The following PTPRD variants were observed in gnomAD, a reference collection of about 807,000 sequenced individuals.
PTPRD encodes the protein receptor-type tyrosine-protein phosphatase delta.
PTPRD carries 34 observed loss-of-function variants against 214.5 expected under a neutral mutation model. The ratio of observed to expected loss-of-function variants is 0.16; its 90% confidence interval spans 0.12 to 0.21. The LOEUF (loss-of-function observed/expected upper bound fraction) is 0.21, where lower values mean the gene tolerates loss of function less well. PTPRD is among the 10% of genes least tolerant of loss of function. The pLI is 1.00. For synonymous variants in PTPRD, 1,128 were observed against 845.7 expected (o/e 1.33, Z -5.79); for missense variants, 2,545 against 2,398.7 (o/e 1.06, Z -1.27).
At chr9:9,006,935 A>AT (rs1275546803) in intron 11 of PTPRD, among the ~76,000 whole-genome samples, 1 of 151,966 alleles carries the variant, frequency 6.6e-6, no homozygotes, top group Non-Finnish European at 1.5e-5. Flanking sequence ...AAATCTAATA[A>AT]CTCTTTCTTC....
intron 5 of PTPRD, among the ~76,000 whole-genome samples, chr9:9,929,024 T>A (rs553978023): frequency 5.2e-4 from 79 of 152,178 alleles, no homozygotes; most frequent in Non-Finnish European, 1.1e-3. Context: ...AAGAGACTTA[T>A]ATGCTCTGGT....
intron 36 of PTPRD, 131 bp from the exon 37 acceptor site, chr9:8,389,538 G>A (rs1225532394): frequency 1.1e-5 from 7 of 611,766 alleles, no homozygotes; most frequent in Admixed American, 3.3e-5. Context: ...ATTGAAGGTC[G>A]GGTTTCAAGC....
intron 3 of PTPRD, among the ~76,000 whole-genome samples, chr9:10,319,940 AAT>A (rs969815452): frequency 2.0e-5 from 3 of 151,994 alleles, no homozygotes; most frequent in Non-Finnish European, 2.9e-5. Flanking sequence ...CAACCTAAAA[AAT>A]ATATTTTTCA....
intron 12 of PTPRD, among the ~76,000 whole-genome samples, chr9:8,646,732 C>T (rs2096702522): frequency 6.6e-6 from 1 of 152,128 alleles, no homozygotes; most frequent in Non-Finnish European, 1.5e-5. Context: ...ATTTTAAGCA[C>T]ATGTGTTTTC....
chr9:8,898,278 A>G (rs1566897801), intron 11 of PTPRD, among the ~76,000 whole-genome samples: 1 of 152,108 alleles, frequency 6.6e-6, no homozygotes. Flanking sequence ...TTCTTTTAAA[A>G]TAACTATCTG....
At chr9:9,690,111 T>C (rs962389179) in intron 7 of PTPRD, among the ~76,000 whole-genome samples, 6 of 151,888 alleles carry the variant, frequency 4.0e-5, no homozygotes, top group African/African-American at 1.4e-4. Context: ...CCTTCCCACA[T>C]TGTATGGGGG....
chr9:10,214,042 C>T (rs2099529337), intron 3 of PTPRD, among the ~76,000 whole-genome samples: 1 of 152,046 alleles, frequency 6.6e-6, no homozygotes, highest in Non-Finnish European at 1.5e-5. Flanking sequence ...TTCATCAAAT[C>T]CTTCAATAAG....
chr9:9,679,723 T>G (rs1170938902), intron 7 of PTPRD, among the ~76,000 whole-genome samples: 1 of 151,850 alleles, frequency 6.6e-6, no homozygotes, highest in Admixed American at 6.6e-5. Flanking sequence ...AACTAAAAGA[T>G]GTAAGAAAGG....
chr9:10,190,400 AAAAAAAAAAAAAAAAAAAAAC>A (rs1412542437), intron 3 of PTPRD, among the ~76,000 whole-genome samples: 8 of 47,724 alleles, frequency 1.7e-4, no homozygotes, highest in Admixed American at 8.0e-4. Flanking sequence ...AAAAAAAAAA[AAAAAAAAAAAAAAAAAAAAAC>A]AAAAAGTCAA....
chr9:8,534,583 T>C (rs1370153173), intron 14 of PTPRD, among the ~76,000 whole-genome samples: 2 of 151,370 alleles, frequency 1.3e-5, no homozygotes, highest in South Asian at 2.1e-4. Flanking sequence ...AGAAAAATGA[T>C]AGACGAGTAA....
chr9:9,597,272 A>G (rs2093424578), intron 7 of PTPRD, among the ~76,000 whole-genome samples: 1 of 152,010 alleles, frequency 6.6e-6, no homozygotes, highest in African/African-American at 2.4e-5. Context: ...GGAAAGGGAA[A>G]AAGACATACA....
chr9:8,550,273 T>C (rs997510853), intron 14 of PTPRD, among the ~76,000 whole-genome samples: 5 of 152,162 alleles, frequency 3.3e-5, no homozygotes, highest in Non-Finnish European at 7.3e-5. Flanking sequence ...CTTACATGTA[T>C]ATGGTACCTC....
rs552222249 is a variant in PTPRD at position 9,387,430 on chromosome 9, G to A, written c.-203+10019C>T. On this transcript the variant is annotated intron_variant, in intron 9 of 45. Coordinates refer to ENST00000381196, the MANE Select transcript of PTPRD (RefSeq NM_002839.4). ...ATAAAGTTATTGAGGACATTTATTC[G>A]TTTCCCCTTTTATACCTAGAGTACA... is the stretch of plus-strand genomic sequence containing the variant. 1.6e-4 allele frequency among the ~76,000 whole-genome samples: 25 copies of A among 151,842 alleles called. 1 individual carries two copies. The highest frequency in any genetic ancestry group is 2.6e-4 in the Non-Finnish European group (18 of 67,948).
chr9:9,981,004 G>C (rs142372901), intron 4 of PTPRD, among the ~76,000 whole-genome samples: 1 of 152,090 alleles, frequency 6.6e-6, no homozygotes, highest in African/African-American at 2.4e-5. Flanking sequence ...CATTTAACCT[G>C]AATATGTTTA....
At chr9:9,190,732 C>T (rs74782241) in intron 9 of PTPRD, among the ~76,000 whole-genome samples, 1,834 of 152,174 alleles carry the variant, frequency 0.012, 40 homozygotes, top group African/African-American at 0.041. Context: ...TATTTTGTTA[C>T]AGCAGCATAA....
At chr9:8,685,144 T>C (rs1163534271) in intron 12 of PTPRD, among the ~76,000 whole-genome samples, 1 of 151,932 alleles carries the variant, frequency 6.6e-6, no homozygotes, top group Non-Finnish European at 1.5e-5. Context: ...CTGGAGCCTT[T>C]AGGAGAAAGC....
At chr9:8,587,737 A>G (rs1426012366) in intron 14 of PTPRD, among the ~76,000 whole-genome samples, 7 of 152,228 alleles carry the variant, frequency 4.6e-5, no homozygotes, top group African/African-American at 1.7e-4. Flanking sequence ...GCCAAGTAAC[A>G]AAGAAATTTG....
intron 14 of PTPRD, among the ~76,000 whole-genome samples, chr9:8,614,795 C>T (rs1486984533): frequency 2.0e-5 from 3 of 152,058 alleles, no homozygotes; most frequent in Non-Finnish European, 4.4e-5. Flanking sequence ...ATCTGTTAGC[C>T]AAAGTCTACG....
chr9:8,990,608 C>G (rs868409103), intron 11 of PTPRD, among the ~76,000 whole-genome samples: 1 of 152,120 alleles, frequency 6.6e-6, no homozygotes, highest in Non-Finnish European at 1.5e-5. Flanking sequence ...GTCATAGAAA[C>G]TAGAACTCCT....
Sources: gnomAD v4.1 joint callset for allele counts (sites outside exome capture counted in the v4.1 genomes callset) on GRCh38, gnomAD v4.1.1 for gene constraint, MANE v1.5 for transcripts, NCBI Gene and HGNC (gene_info 2026-07-23, HGNC 2026-07-21) for gene names.